CHRND: variants seen among roughly 807,000 people sequenced by gnomAD.
The protein encoded by CHRND is acetylcholine receptor subunit delta.
A neutral mutation model predicts 57.8 loss-of-function variants in CHRND; 40 were observed. The ratio of observed to expected loss-of-function variants is 0.69; its 90% CI spans 0.54 to 0.90. The LOEUF is 0.90. CHRND is among the 40% of genes least tolerant of loss of function. CHRND has a pLI of 0.00. For synonymous variants in CHRND, 237 were observed against 270.6 expected, an observed-to-expected ratio of 0.88 and a Z score of 1.22; for missense variants, 634 against 673.9, an observed-to-expected ratio of 0.94 and a Z score of 0.66.
At position 232,534,481 on chromosome 2, in the gene CHRND, C is replaced by A. The variant is rs567665529; in HGVS notation, c.1371+139C>A. 33 of 898,234 alleles carry A rather than the reference C, an allele frequency of 3.7e-5. No individual in the cohort carries two copies. The East Asian group carries it at 8.7e-4, about 24-fold the overall frequency. 55.6% of individuals were successfully genotyped at this position (898,234 alleles called of 1,614,324 possible). A position where few individuals can be genotyped will look rare whatever the true frequency, so the allele number is the denominator to read the frequency against. The stretch of plus-strand genomic sequence containing the variant: ...GAGTTAATGTGACACAGATTCCAGG[C>A]CCCCCCGCCAGGGAGAGAGAACTCC... On this transcript the variant is annotated intron_variant, in intron 11 of 11. Coordinates refer to ENST00000258385, the MANE Select transcript of CHRND (RefSeq NM_000751.3).
At position 232,527,433 on chromosome 2, in the gene CHRND, G is replaced by A. The variant is rs1359359801; in HGVS notation, c.231G>A (p.Val77=). The A allele has an allele frequency of 1.9e-6, 3 of 1,613,406 alleles. No homozygotes were observed. In the African/African-American group the frequency reaches 4.0e-5, roughly 22 times the overall value. The change falls in exon 3 of 12, where the codon GTG becomes GTA. Residue 77 remains valine, a synonymous_variant. Transcript: ENST00000258385. Reference sequence around the variant, plus strand: ...TTGAGGAGACCCTCACTACCAATGTGTGGATAGAGCACGTAAGAATGCCCC... The same window carrying A: ...TTGAGGAGACCCTCACTACCAATGTATGGATAGAGCACGTAAGAATGCCCC... ...KEVEETLTTN[V]WIEHGWTDNR... is the part of the protein sequence containing the mutation.
intron 2 of CHRND, 128 bp downstream of exon 2, chr2:232,526,802 C>A: frequency 1.0e-6 from 1 of 975,260 alleles, no homozygotes; most frequent in Non-Finnish European, 1.6e-6. Flanking sequence ...AAACGTGCTG[C>A]GGCTGCTCTG....
chr2:232,527,322 G>GAC, intron 2 of CHRND, 79 bp from the exon 3 acceptor site: 4 of 1,271,578 alleles, frequency 3.1e-6, no homozygotes, highest in Non-Finnish European at 2.3e-6. Flanking sequence ...GAGAGAGAGA[G>GAC]AGAGAGAGAG....
intron 7 of CHRND, among the ~76,000 whole-genome samples, 180 bp from the exon 8 acceptor site, chr2:232,531,172 A>G (rs1419707956): frequency 6.6e-6 from 1 of 152,214 alleles, no homozygotes; most frequent in Non-Finnish European, 1.5e-5. Context: ...AGTAAGTGGC[A>G]GAGCTGATAT....
Position 232,535,413 on chromosome 2 carries a change from TG to T in CHRND, c.*105del, listed in dbSNP as rs1174240856. ...GCCCTGAGGCTCGTGCCCCTCAGACTGGGGAAGAGTCCAAGGAAGGGAGGGA... is the reference window on the plus strand; with the variant it reads ...GCCCTGAGGCTCGTGCCCCTCAGACTGGGAAGAGTCCAAGGAAGGGAGGGA... On this transcript the variant is annotated 3_prime_UTR_variant, in exon 12 of 12. Transcript: ENST00000258385. 1 of 1,425,076 alleles carries T rather than the reference TG, an allele frequency of 7.0e-7. No individual in the cohort carries two copies. Among genetic ancestry groups the T allele is most frequent in the East Asian group, 2.3e-5 (1 of 43,316 alleles). 88.3% of individuals were successfully genotyped at this position (1,425,076 alleles called of 1,614,324 possible).
chr2:232,530,985 A>G (rs1470916584), intron 7 of CHRND, among the ~76,000 whole-genome samples: 7 of 152,188 alleles, frequency 4.6e-5, no homozygotes, highest in Admixed American at 1.3e-4. Context: ...TAACGCACGC[A>G]GGTCTGTGCT....
chr2:232,527,109 G>A (rs1156970944), intron 2 of CHRND, among the ~76,000 whole-genome samples: 1 of 152,060 alleles, frequency 6.6e-6, no homozygotes, highest in South Asian at 2.1e-4. Flanking sequence ...GACCAGCCTG[G>A]CCAACATAGT....
chr2:232,527,296 A>G lies in CHRND; in HGVS notation c.199-105A>G, dbSNP rs1691508250. 8.7e-6 allele frequency: 9 copies of G among 1,028,652 alleles called. No homozygotes were observed. In the South Asian group the frequency reaches 1.1e-4, roughly 13 times the overall value. The allele number at this position is 1,028,652 out of a possible 1,614,324, so 63.7% of individuals were successfully genotyped here. A position where few individuals can be genotyped will look rare whatever the true frequency, so the allele number is the denominator to read the frequency against. ...ACTCCATCCTGGGCAATTGAGCAAGACCCTGGAAAAAAAAAGAGAGAGAGA... is the reference window on the plus strand; with the variant it reads ...ACTCCATCCTGGGCAATTGAGCAAGGCCCTGGAAAAAAAAAGAGAGAGAGA... On this transcript the variant is annotated intron_variant, in intron 2 of 11. Coordinates refer to ENST00000258385, the MANE Select transcript of CHRND (RefSeq NM_000751.3).
At chr2:232,533,409 T>G (rs770450880) in intron 9 of CHRND, among the ~76,000 whole-genome samples, 1 of 152,198 alleles carries the variant, frequency 6.6e-6, no homozygotes, top group Non-Finnish European at 1.5e-5. Flanking sequence ...AATTAATCAT[T>G]TTTAGTGAAT....
At chr2:232,530,617 C>T (rs1352573608) in intron 7 of CHRND, among the ~76,000 whole-genome samples, 2 of 152,040 alleles carry the variant, frequency 1.3e-5, no homozygotes. Context: ...ATAGTGAGTC[C>T]CAGGGTCAAA....
At position 232,536,204 on chromosome 2, in the gene CHRND, C is replaced by T; in HGVS notation, c.*892C>T. The T allele has an allele frequency of 2.2e-6, 1 of 454,144 alleles. No homozygotes were observed. Among genetic ancestry groups the T allele is most frequent in the South Asian group, 1.6e-5 (1 of 64,476 alleles). 28.1% of individuals were successfully genotyped at this position (454,144 alleles called of 1,614,324 possible). ...AAGGGTCTGTTTGTATGGTGGTCCA[C>T]CTCCAAGATGGCCCCAGTGATGCCC... On this transcript the variant is annotated 3_prime_UTR_variant, in exon 12 of 12. Transcript: ENST00000258385.
At chr2:232,533,481 T>C (rs998459642) in intron 9 of CHRND, among the ~76,000 whole-genome samples, 1 of 152,152 alleles carries the variant, frequency 6.6e-6, no homozygotes, top group Admixed American at 6.5e-5. Context: ...TGTGCATCAG[T>C]AGGAGATCGG....
In CHRND at chr2:232,531,675, G is replaced by A. The variant is rs749274268; in HGVS notation, c.1047+19G>A. 30 of 1,592,336 alleles carry A rather than the reference G, an allele frequency of 1.9e-5. No homozygotes were observed. The highest frequency in any genetic ancestry group is 1.3e-4 in the Admixed American group (8 of 59,964). ...CAAGAAGGTGAGTACTTGGCCCGGC[G>A]CAAAAGCTCACCACTGTAATCCTGG... is the stretch of plus-strand genomic sequence containing the variant. On this transcript the variant is annotated intron_variant, in intron 9 of 11. Coordinates refer to ENST00000258385, the MANE Select transcript of CHRND (RefSeq NM_000751.3).
Position 232,528,922 on chromosome 2 carries a change from C to G in CHRND, c.570C>G (p.Asn190Lys), listed in dbSNP as rs768218659. Residue 190 changes from asparagine (N) to lysine (K), a missense_variant, in exon 6 of 12, where the codon AAC (asparagine) becomes AAG (lysine). Transcript: ENST00000258385. ...GCCTGAAACAGGATGCCAAGGAGAA[C>G]CGCACCTACCCCGTGGAGTGGATCA... is the stretch of plus-strand genomic sequence containing the variant. ...TLSLKQDAKENRTYPVEWIII... is the reference protein window; with the variant it reads ...TLSLKQDAKEKRTYPVEWIII... The G allele has an allele frequency of 6.2e-7, 1 of 1,614,170 alleles. No homozygotes were observed. The highest frequency in any genetic ancestry group is 1.3e-5 in the African/African-American group (1 of 75,042).
chr2:232,528,659 G>A lies in CHRND; in HGVS notation c.509+3G>A, dbSNP rs551329083. ...CAGAACTGCTCCCTCAAGTTCAGGT[G>A]TGCCCTTTTCTCCAGCCACCCCTCA... is the stretch of plus-strand genomic sequence containing the variant. On this transcript the variant is annotated splice_donor_region_variant and intron_variant, in intron 5 of 11. Transcript: ENST00000258385. The A allele has an allele frequency of 1.2e-6, 2 of 1,613,820 alleles. No individual in the cohort carries two copies. The highest frequency in any genetic ancestry group is 1.7e-5 in the Admixed American group (1 of 60,012).
At chr2:232,532,148 C>T (rs563962100) in intron 9 of CHRND, among the ~76,000 whole-genome samples, 42 of 151,082 alleles carry the variant, frequency 2.8e-4, no homozygotes, top group Admixed American at 2.0e-3. Context: ...CAGATCGAGA[C>T]CCCATCTCTA....
chr2:232,533,176 A>G (rs1691768743), intron 9 of CHRND, among the ~76,000 whole-genome samples: 1 of 152,110 alleles, frequency 6.6e-6, no homozygotes, highest in Admixed American at 6.5e-5. Context: ...GCCCGCCACC[A>G]TGCCTGGCTA....
intron 3 of CHRND, among the ~76,000 whole-genome samples, chr2:232,528,038 C>G (rs548671400): frequency 1.3e-5 from 2 of 152,314 alleles, no homozygotes; most frequent in South Asian, 4.1e-4. Flanking sequence ...AGTACAGACA[C>G]AAATCGTCTA....
At position 232,531,552 on chromosome 2, in the gene CHRND, T is replaced by C. The variant is rs1477398511; in HGVS notation, c.943T>C (p.Phe315Leu). ...AIPLIGKFLL[F>L]GMVLVTMVVV... ...AGTGTTTGCCCACAGGTTCCTGCTC[T>C]TCGGCATGGTGCTGGTCACCATGGT... The change falls in exon 9 of 12, where the codon TTC becomes CTC. Residue 315 changes from phenylalanine (F) to leucine (L), a missense_variant. Phe to Leu is a conservative substitution (Grantham distance 22). Transcript: ENST00000258385. The C allele has an allele frequency of 2.5e-6, 4 of 1,614,128 alleles. No homozygotes were observed. In the East Asian group the frequency reaches 8.9e-5, roughly 36 times the overall value.
Sources: gnomAD v4.1 joint callset for allele counts (sites outside exome capture counted in the v4.1 genomes callset) on GRCh38, gnomAD v4.1.1 for gene constraint, MANE v1.5 for transcripts, NCBI Gene and HGNC (gene_info 2026-07-23, HGNC 2026-07-21) for gene names.